The following PLD4 variants were observed in gnomAD, a reference collection of about 807,000 sequenced individuals.
PLD4 encodes 5'-3' exonuclease PLD4.
In PLD4, 54 loss-of-function variants were observed where a neutral mutation model predicts 52.3. The ratio of observed to expected loss-of-function variants is 1.03; its 90% CI spans 0.83 to 1.30. PLD4 has a LOEUF of 1.30. PLD4 is among the 50% of genes most tolerant of loss of function. PLD4 has a pLI of 0.00. For missense variants in PLD4, 731 were observed against 671.1 expected, an observed-to-expected ratio of 1.09 and a Z score of -0.99; for synonymous variants, 264 against 286.5, an observed-to-expected ratio of 0.92 and a Z score of 0.79.
chr14:104,931,170 T>C (rs1897631949), intron 7 of PLD4, among the ~76,000 whole-genome samples: 1 of 152,184 alleles, frequency 6.6e-6, no homozygotes, highest in African/African-American at 2.4e-5. Context: ...GGAGGACAGC[T>C]GGTCAGCACC....
chr14:104,927,238 TG>T lies in PLD4; in HGVS notation c.90+14del. Reference sequence around the variant, plus strand: ...GACAGAGAGGCTGGCACGGTAGGACTGGGGGGCCCCAGGGGGGAGGTGGCTG... The same window carrying T: ...GACAGAGAGGCTGGCACGGTAGGACTGGGGGCCCCAGGGGGGAGGTGGCTG... On this transcript the variant is annotated intron_variant, in intron 2 of 10. Transcript: ENST00000392593. The T allele has an allele frequency of 4.6e-6, 7 of 1,535,596 alleles. No individual in the cohort carries two copies. Among genetic ancestry groups the T allele is most frequent in the Non-Finnish European group, 3.5e-6 (4 of 1,139,924 alleles).
chr14:104,932,756 T>C lies in PLD4; in HGVS notation c.1322-9T>C. 3 of 1,539,866 alleles carry C rather than the reference T, an allele frequency of 1.9e-6. No homozygotes were observed. The highest frequency in any genetic ancestry group is 2.6e-6 in the Non-Finnish European group (3 of 1,139,628). On this transcript the variant is annotated splice_polypyrimidine_tract_variant and intron_variant, in intron 10 of 10. Transcript: ENST00000392593. The surrounding 1 kb of genome is among the most constrained non-coding windows in gnomAD (Gnocchi z 6.5). ...CGGCGCCCCAGTGTCTCCTCCATCC[T>C]CCCCGCAGGCACCTCCAACTGGTCG...
intron 3 of PLD4, 63 bp from the exon 4 acceptor site, chr14:104,928,686 G>A (rs998058899): frequency 1.2e-5 from 17 of 1,467,540 alleles, no homozygotes; most frequent in Non-Finnish European, 1.5e-5. Context: ...GATGGGGCAG[G>A]TGATGTGAGG....
chr14:104,929,829 TA>T, intron 5 of PLD4, 148 bp from the exon 6 acceptor site: 1 of 939,782 alleles, frequency 1.1e-6, no homozygotes, highest in Non-Finnish European at 1.6e-6. Flanking sequence ...TCCTCACCTA[TA>T]AAATGGGGAT....
At chr14:104,935,989 G>A (rs1442336219), downstream of PLD4, 6 of 152,242 alleles carry the variant, frequency 3.9e-5, no homozygotes, top group Non-Finnish European at 8.8e-5. Context: ...CAGAAACTGG[G>A]AGATCATAAA....
chr14:104,927,084 G>T, intron 1 of PLD4, 57 bp from the exon 2 acceptor site: 1 of 1,450,630 alleles, frequency 6.9e-7, no homozygotes, highest in South Asian at 1.4e-5. Flanking sequence ...CCCAGGCACT[G>T]AGGGGCAGTT....
chr14:104,932,452 G>T lies in PLD4; in HGVS notation c.1321+97G>T. 7.6e-7 allele frequency: 1 copy of T among 1,317,060 alleles called. No individual in the cohort carries two copies. Among genetic ancestry groups the T allele is most frequent in the South Asian group, 1.3e-5 (1 of 79,230 alleles). 81.6% of individuals were successfully genotyped at this position (1,317,060 alleles called of 1,614,324 possible). ...TGACCGGCGTGGACACCTCAGGAGGGAGGGGCTGCTGCTGAAGGGGGACGG... is the reference window on the plus strand; with the variant it reads ...TGACCGGCGTGGACACCTCAGGAGGTAGGGGCTGCTGCTGAAGGGGGACGG... On this transcript the variant is annotated intron_variant, in intron 10 of 10. Transcript: ENST00000392593. This position sits in a 1 kb window ranked among gnomAD's most constrained non-coding sequence, Gnocchi z 6.5.
In PLD4 at chr14:104,931,842, C is replaced by T. The variant is rs1566890354; in HGVS notation, c.1013C>T (p.Ser338Phe). The change falls in exon 8 of 11, where the codon TCC becomes TTC. Residue 338 changes from serine (S) to phenylalanine (F), a missense_variant. Ser to Phe is a radical substitution (Grantham distance 155). Coordinates refer to ENST00000392593, the MANE Select transcript of PLD4 (RefSeq NM_138790.5). ...MGSAQEFIYA[S>F]VMEYFPTTRF... Reference sequence around the variant, plus strand: ...AGCGCCCAGGAGTTCATCTATGCCTCCGTGATGGAGTATTTCCCCACCACG... The same window carrying T: ...AGCGCCCAGGAGTTCATCTATGCCTTCGTGATGGAGTATTTCCCCACCACG... The T allele has an allele frequency of 2.6e-6, 4 of 1,564,128 alleles. No homozygotes were observed. In the East Asian group the frequency reaches 6.9e-5, roughly 27 times the overall value.
Position 104,928,937 on chromosome 14 carries a change from GC to G in PLD4, c.468+9del. ...AACGACTCGTCTTCCCAGCTGGTGC[GC>G]CCCGCCCTGGCCCCACCGCATCCTG... On this transcript the variant is annotated splice_donor_region_variant and intron_variant, in intron 4 of 10. Transcript: ENST00000392593. 1 of 1,590,614 alleles carries G rather than the reference GC, an allele frequency of 6.3e-7. No individual in the cohort carries two copies. Among genetic ancestry groups the G allele is most frequent in the South Asian group, 1.1e-5 (1 of 89,756 alleles).
In PLD4 at chr14:104,928,807, G is replaced by A; in HGVS notation, c.343G>A (p.Ala115Thr). 6.2e-7 allele frequency: 1 copy of A among 1,611,058 alleles called. No individual in the cohort carries two copies. Among genetic ancestry groups the A allele is most frequent in the Non-Finnish European group, 8.5e-7 (1 of 1,178,638 alleles). ...DLPSAAGSPSAQPLGQAWLQL... is the reference protein window; with the variant it reads ...DLPSAAGSPSTQPLGQAWLQL... Reference sequence around the variant, plus strand: ...GCCATCTGCAGCCGGCAGCCCCTCTGCCCAGCCTCTGGGCCAGGCCTGGCT... The same window carrying A: ...GCCATCTGCAGCCGGCAGCCCCTCTACCCAGCCTCTGGGCCAGGCCTGGCT... Residue 115 changes from alanine (A) to threonine (T), a missense_variant, in exon 4 of 11, where the codon GCC becomes ACC. By Grantham distance (58) the Ala-to-Thr change is moderately conservative. Coordinates refer to ENST00000392593, the MANE Select transcript of PLD4 (RefSeq NM_138790.5).
chr14:104,931,827 A>G lies in PLD4; in HGVS notation c.998A>G (p.Glu333Gly). 6.4e-7 allele frequency: 1 copy of G among 1,573,898 alleles called. No homozygotes were observed. Among genetic ancestry groups the G allele is most frequent in the Non-Finnish European group, 8.6e-7 (1 of 1,158,930 alleles). ...ALLAVMGSAQEFIYASVMEYF... is the reference protein window; with the variant it reads ...ALLAVMGSAQGFIYASVMEYF... Reference sequence around the variant, plus strand: ...CTGGCGGTGATGGGGAGCGCCCAGGAGTTCATCTATGCCTCCGTGATGGAG... The same window carrying G: ...CTGGCGGTGATGGGGAGCGCCCAGGGGTTCATCTATGCCTCCGTGATGGAG... The change falls in exon 8 of 11, where the codon GAG (glutamate) becomes GGG (glycine). Residue 333 changes from glutamate (E) to glycine (G), a missense_variant. Glu to Gly is a moderately conservative substitution (Grantham distance 98). Transcript: ENST00000392593.
chr14:104,929,974 C>CCAGGTGCCCATGTACGA lies in PLD4; in HGVS notation c.599_615dup. ...TTCATCCCATTGCCTGAACTCTCCA[C>CCAGGTGCCCATGTACGA]CAGGTGCCCATGTACGACAGGTGCC... On this transcript the variant is annotated splice_region_variant and splice_polypyrimidine_tract_variant and intron_variant, in intron 5 of 10. Transcript: ENST00000392593. 1.9e-6 allele frequency: 3 copies of CCAGGTGCCCATGTACGA among 1,613,446 alleles called. No homozygotes were observed. The highest frequency in any genetic ancestry group is 2.2e-5 in the South Asian group (2 of 91,072).
Position 104,930,109 on chromosome 14 carries a change from A to G in PLD4, c.717+4A>G. On this transcript the variant is annotated splice_donor_region_variant and intron_variant, in intron 6 of 10. Transcript: ENST00000392593. ...GGACTGGCGGTCTCTGACGCAGGTG[A>G]GTGCCAGGGCCCTAACACAGGAGGC... 1 of 1,613,160 alleles carries G rather than the reference A, an allele frequency of 6.2e-7. No individual in the cohort carries two copies. Among genetic ancestry groups the G allele is most frequent in the Non-Finnish European group, 8.5e-7 (1 of 1,179,940 alleles).
chr14:104,927,127 G>T lies in PLD4; in HGVS notation c.1-14G>T. The T allele has an allele frequency of 1.3e-6, 2 of 1,539,590 alleles. No individual in the cohort carries two copies. Among genetic ancestry groups the T allele is most frequent in the East Asian group, 4.9e-5 (2 of 40,904 alleles). ...GAGCTGGAGCTGCTGGTGATGCCAG[G>T]CTGCCCTGTGCAGATGCTGAAGCCT... On this transcript the variant is annotated splice_polypyrimidine_tract_variant and intron_variant, in intron 1 of 10. Coordinates refer to ENST00000392593, the MANE Select transcript of PLD4 (RefSeq NM_138790.5).
chr14:104,927,726 C>T lies in PLD4; in HGVS notation c.144C>T (p.Ile48=), dbSNP rs1490376795. 1 of 1,598,224 alleles carries T rather than the reference C, an allele frequency of 6.3e-7. No individual in the cohort carries two copies. The highest frequency in any genetic ancestry group is 1.7e-5 in the Admixed American group (1 of 58,696). ...AVLWLGSVAL[I]CLLWQVPRPP... ...TGTGGCTGGGCTCCGTGGCTCTTAT[C>T]TGCCTCCTGTGGCAAGTGCCCCGTC... The change falls in exon 3 of 11, where the codon ATC becomes ATT. Residue 48 remains isoleucine (I), a synonymous_variant. Coordinates refer to ENST00000392593, the MANE Select transcript of PLD4 (RefSeq NM_138790.5).
chr14:104,931,779 G>A lies in PLD4; in HGVS notation c.950G>A (p.Arg317His), dbSNP rs763873649. The A allele has an allele frequency of 8.8e-6, 14 of 1,588,678 alleles. No homozygotes were observed. Among genetic ancestry groups the A allele is most frequent in the Middle Eastern group, 1.7e-4 (1 of 5,836 alleles). ...CCACCAGCACTCTGTCCCCAGGGCC[G>A]CACCCGGGACCTGGAGGCGCTGCTG... is the stretch of plus-strand genomic sequence containing the variant. ...ASPPALCPQG[R>H]TRDLEALLAV... is the part of the protein sequence containing the mutation. The change falls in exon 8 of 11, where the codon CGC becomes CAC. Residue 317 changes from arginine to histidine, a missense_variant. Arg to His is a conservative substitution (Grantham distance 29). Transcript: ENST00000392593.
chr14:104,926,959 C>T (rs1897475561), intron 1 of PLD4, 182 bp from the exon 2 acceptor site: 4 of 470,436 alleles, frequency 8.5e-6, no homozygotes, highest in Non-Finnish European at 7.1e-6. Flanking sequence ...ACCCACACGG[C>T]TTGTCCTCGT....
At chr14:104,927,067 C>T in intron 1 of PLD4, 74 bp from the exon 2 acceptor site, 2 of 1,389,020 alleles carry the variant, frequency 1.4e-6, no homozygotes, top group Non-Finnish European at 1.9e-6. Context: ...TCCCCAGTGC[C>T]CAGCTGCCCA....
intron 5 of PLD4, 95 bp from the exon 6 acceptor site, chr14:104,929,883 A>T: frequency 7.0e-7 from 1 of 1,434,398 alleles, no homozygotes; most frequent in Non-Finnish European, 9.6e-7. Context: ...AGGACATCTG[A>T]GTCAACCCCA....
Sources: allele counts gnomAD v4.1 joint callset (sites outside exome capture counted in the v4.1 genomes callset), GRCh38; gene constraint gnomAD v4.1.1; non-coding constraint Gnocchi (gnomAD v3.1); transcripts MANE v1.5; gene names NCBI Gene and HGNC (gene_info 2026-07-23, HGNC 2026-07-21).